Variants in GMDS observed in about 807,000 individuals in gnomAD.
GMDS encodes GDP-mannose 4,6 dehydratase.
GMDS carries 20 observed loss-of-function variants against 49.9 expected under a neutral mutation model. That is an observed-to-expected ratio of 0.40 (90% CI 0.28 to 0.58). The LOEUF (loss-of-function observed/expected upper bound fraction) is 0.58, where lower values mean the gene tolerates loss of function less well. Ranked by LOEUF, GMDS falls within the 20% of genes least tolerant of loss-of-function variation. The probability of loss-of-function intolerance (pLI) is 0.42; values close to 1 mark genes in which losing one functional copy is unlikely to be tolerated. For synonymous variants in GMDS, 177 were observed against 178.6 expected (o/e 0.99, Z 0.07); for missense variants, 362 against 481.4 (o/e 0.75, Z 2.32).
At chr6:1,936,848 T>G (rs1762572494) in intron 6 of GMDS, among the ~76,000 whole-genome samples, 1 of 151,626 alleles carries the variant, frequency 6.6e-6, no homozygotes, top group Non-Finnish European at 1.5e-5. Context: ...GAGCATATAA[T>G]CCTAGCTACT....
At position 2,205,305 on chromosome 6, in the gene GMDS, T is replaced by C. The variant is rs115156337; in HGVS notation, c.102+40016A>G. Among the ~76,000 whole-genome samples, 1,482 of 152,290 alleles carry C rather than the reference T, an allele frequency of 9.7e-3. 13 individuals are homozygous for C. The highest frequency in any genetic ancestry group is 0.02 in the Middle Eastern group (6 of 294). ...CCCATCCTCTACCTAAGTTCACCATTAGTTGCATATAAAACTCCCCCATTG... is the reference window on the plus strand; with the variant it reads ...CCCATCCTCTACCTAAGTTCACCATCAGTTGCATATAAAACTCCCCCATTG... On this transcript the variant is annotated intron_variant, in intron 1 of 10. Coordinates refer to ENST00000380815, the MANE Select transcript of GMDS (RefSeq NM_001500.4).
chr6:1,997,267 T>C (rs939656721), intron 4 of GMDS, among the ~76,000 whole-genome samples: 1 of 151,970 alleles, frequency 6.6e-6, no homozygotes, highest in Non-Finnish European at 1.5e-5. Flanking sequence ...CACAGCACTT[T>C]GGGAGGCCAA....
intron 9 of GMDS, among the ~76,000 whole-genome samples, chr6:1,643,309 A>G (rs1219729032): frequency 6.6e-6 from 1 of 152,230 alleles, no homozygotes; most frequent in Non-Finnish European, 1.5e-5. Flanking sequence ...TTGGCAGGAC[A>G]CACAGGCATT....
intron 7 of GMDS, among the ~76,000 whole-genome samples, chr6:1,829,967 C>G (rs1243274701): frequency 6.6e-6 from 1 of 152,156 alleles, no homozygotes; most frequent in Non-Finnish European, 1.5e-5. Context: ...CTGTCACAAG[C>G]CTTGGTTTTG....
intron 4 of GMDS, among the ~76,000 whole-genome samples, chr6:2,077,060 T>C (rs1314226932): frequency 6.6e-6 from 1 of 152,192 alleles, no homozygotes; most frequent in African/African-American, 2.4e-5. Flanking sequence ...CTAGTGTAAA[T>C]AGAATTGCCT....
intron 7 of GMDS, among the ~76,000 whole-genome samples, chr6:1,847,716 C>T (rs1216152143): frequency 6.6e-6 from 1 of 152,194 alleles, no homozygotes; most frequent in Non-Finnish European, 1.5e-5. Flanking sequence ...GGAAGGTTTA[C>T]AACCTTGGAG....
At chr6:1,888,301 GC>G (rs1759710655) in intron 7 of GMDS, among the ~76,000 whole-genome samples, 1 of 152,008 alleles carries the variant, frequency 6.6e-6, no homozygotes, top group Admixed American at 6.6e-5. Flanking sequence ...TCACAGTTCA[GC>G]AAGGCTGGGG....
At chr6:1,892,381 A>G (rs954825260) in intron 7 of GMDS, among the ~76,000 whole-genome samples, 1 of 152,120 alleles carries the variant, frequency 6.6e-6, no homozygotes, top group Admixed American at 6.6e-5. Context: ...TTCTTTTTAG[A>G]TGGAATCTCG....
At chr6:1,805,213 T>G (rs1035126186) in intron 7 of GMDS, among the ~76,000 whole-genome samples, 1 of 152,234 alleles carries the variant, frequency 6.6e-6, no homozygotes, top group African/African-American at 2.4e-5. Flanking sequence ...TTATTAAATA[T>G]TAATATAAGA....
At chr6:1,806,561 T>A (rs1281305722) in intron 7 of GMDS, among the ~76,000 whole-genome samples, 1 of 152,190 alleles carries the variant, frequency 6.6e-6, no homozygotes, top group Non-Finnish European at 1.5e-5. Flanking sequence ...TAAACATTGT[T>A]TCCACTCTGT....
rs1581472614 is a variant in GMDS at position 1,989,686 on chromosome 6, C to A, written c.346-28720G>T. Among the ~76,000 whole-genome samples the A allele has an allele frequency of 2.6e-5, 4 of 152,338 alleles. No individual in the cohort carries two copies. In the South Asian group the frequency reaches 8.3e-4, roughly 32 times the overall value. On this transcript the variant is annotated intron_variant, in intron 4 of 10. Transcript: ENST00000380815. ...CAACAAACCAAGACTGGTACACTCC[C>A]TTCCAAACACTCCTCTCTGATGCTA...
chr6:1,828,817 A>G (rs1771236151), intron 7 of GMDS, among the ~76,000 whole-genome samples: 1 of 152,214 alleles, frequency 6.6e-6, no homozygotes, highest in Non-Finnish European at 1.5e-5. Flanking sequence ...TTAAAAATGT[A>G]GCATAGTTGA....
intron 9 of GMDS, among the ~76,000 whole-genome samples, chr6:1,691,293 A>C (rs1765160267): frequency 1.3e-5 from 2 of 150,928 alleles, no homozygotes; most frequent in African/African-American, 4.9e-5. Context: ...CTCACTCGTA[A>C]GTGGGAGCTG....
rs150707132 is a variant in GMDS at position 2,242,082 on chromosome 6, C to T, written c.102+3239G>A. Among the ~76,000 whole-genome samples, 422 of 152,294 alleles carry T rather than the reference C, an allele frequency of 2.8e-3. 3 individuals are homozygous for T. Among genetic ancestry groups the T allele is most frequent in the African/African-American group, 9.8e-3 (409 of 41,554 alleles). On this transcript the variant is annotated intron_variant, in intron 1 of 10. Transcript: ENST00000380815. ...GATATGAAATTACTTATACAATCAA[C>T]AGGGACTGCATACATGTAAATACAG...
At chr6:2,186,848 T>C (rs1406784138) in intron 1 of GMDS, among the ~76,000 whole-genome samples, 2 of 152,234 alleles carry the variant, frequency 1.3e-5, no homozygotes, top group Non-Finnish European at 2.9e-5. Context: ...ATTTGCCACA[T>C]TGCACAAATA....
At chr6:1,718,502 T>G (rs759510410) in intron 9 of GMDS, among the ~76,000 whole-genome samples, 1 of 152,174 alleles carries the variant, frequency 6.6e-6, no homozygotes, top group Non-Finnish European at 1.5e-5. Context: ...ATCTCTGCCA[T>G]GTTCTGGCAC....
At chr6:2,091,423 T>C (rs1386322580) in intron 4 of GMDS, among the ~76,000 whole-genome samples, 1 of 152,210 alleles carries the variant, frequency 6.6e-6, no homozygotes, top group Non-Finnish European at 1.5e-5. Flanking sequence ...AGTAATTTAA[T>C]GTGACTGGAC....
chr6:1,708,808 C>T (rs1283851274), intron 9 of GMDS, among the ~76,000 whole-genome samples: 1 of 152,234 alleles, frequency 6.6e-6, no homozygotes, highest in Non-Finnish European at 1.5e-5. Flanking sequence ...CTGTACGCTG[C>T]ATCTCACAGC....
chr6:2,009,759 C>A (rs1044228769), intron 4 of GMDS, among the ~76,000 whole-genome samples: 12 of 152,020 alleles, frequency 7.9e-5, no homozygotes, highest in Admixed American at 7.9e-4. Flanking sequence ...ATAAAAGCTG[C>A]CAATGTCAAT....
Sources: gnomAD v4.1 joint callset for allele counts (sites outside exome capture counted in the v4.1 genomes callset) on GRCh38, gnomAD v4.1.1 for gene constraint, MANE v1.5 for transcripts, NCBI Gene and HGNC (gene_info 2026-07-23, HGNC 2026-07-21) for gene names.